Variants in FAM222A observed in about 807,000 individuals in gnomAD.
FAM222A encodes protein FAM222A.
FAM222A carries 7 observed loss-of-function variants against 25.8 expected under a neutral mutation model. The observed-to-expected ratio is 0.27, with a 90% CI of 0.15 to 0.51. The LOEUF (loss-of-function observed/expected upper bound fraction) is 0.51. FAM222A is among the 20% of genes least tolerant of loss of function. The pLI, the probability that FAM222A is intolerant of heterozygous loss-of-function variation, is 0.97. For synonymous variants in FAM222A, 294 were observed against 298.8 expected (o/e 0.98, Z 0.17); for missense variants, 573 against 640.5 (o/e 0.89, Z 1.14).
chr12:109,745,185 G>A (rs1888364446), intron 2 of FAM222A, among the ~76,000 whole-genome samples: 1 of 152,214 alleles, frequency 6.6e-6, no homozygotes, highest in African/African-American at 2.4e-5. Flanking sequence ...TGTCCTTCCA[G>A]ATGTTTTATG....
At chr12:109,748,506 C>A (rs1188212844) in intron 2 of FAM222A, among the ~76,000 whole-genome samples, 1 of 151,950 alleles carries the variant, frequency 6.6e-6, no homozygotes, top group Non-Finnish European at 1.5e-5. Context: ...TGGGCTAGTG[C>A]AGTTATTTGG....
chr12:109,749,471 A>G lies in FAM222A; in HGVS notation c.82+5243A>G, dbSNP rs181729380. On this transcript the variant is annotated intron_variant, in intron 2 of 2. Transcript: ENST00000538780. The stretch of plus-strand genomic sequence containing the variant: ...TCAGAGAATCTTGTCTACTATTTCT[A>G]CTTTTTAGGAGTTTTTTGAAGCTTT... 8.6e-4 allele frequency among the ~76,000 whole-genome samples: 131 copies of G among 152,172 alleles called. 1 individual carries two copies. The highest frequency in any genetic ancestry group is 2.8e-3 in the African/African-American group (116 of 41,510).
chr12:109,727,106 C>G (rs1407686224), intron 1 of FAM222A, among the ~76,000 whole-genome samples: 1 of 152,024 alleles, frequency 6.6e-6, no homozygotes, highest in Non-Finnish European at 1.5e-5. Context: ...CTGGACGCGG[C>G]CCTGCCACAC....
At chr12:109,750,943 A>G (rs1888543421) in intron 2 of FAM222A, among the ~76,000 whole-genome samples, 1 of 152,000 alleles carries the variant, frequency 6.6e-6, no homozygotes, top group Admixed American at 6.6e-5. Flanking sequence ...CAGTTACTTG[A>G]CAAGGATGTG....
At chr12:109,744,357 G>C (rs1888332490) in intron 2 of FAM222A, 129 bp downstream of exon 2, 1 of 1,426,962 alleles carries the variant, frequency 7.0e-7, no homozygotes, top group East Asian at 2.6e-5. Flanking sequence ...CCCAGGCCTT[G>C]GCCCCGGCTG....
chr12:109,733,241 G>C (rs772061424), intron 1 of FAM222A, among the ~76,000 whole-genome samples: 10 of 152,110 alleles, frequency 6.6e-5, no homozygotes, highest in Non-Finnish European at 8.8e-5. Flanking sequence ...CAAAGACTTA[G>C]AATAAAAACA....
rs529392105 is a variant in FAM222A at position 109,766,934 on chromosome 12, C to T, written c.83-1078C>T. Among the ~76,000 whole-genome samples the T allele has an allele frequency of 7.2e-5, 11 of 152,162 alleles. No individual in the cohort carries two copies. In the South Asian group the frequency reaches 1.2e-3, roughly 17 times the overall value. ...TTTTTGAGACAAGGTCTTGCTCTATCGGCCAGGCTGGAATGCAATGGCACA... is the reference window on the plus strand; with the variant it reads ...TTTTTGAGACAAGGTCTTGCTCTATTGGCCAGGCTGGAATGCAATGGCACA... On this transcript the variant is annotated intron_variant, in intron 2 of 2. Coordinates refer to ENST00000538780, the MANE Select transcript of FAM222A (RefSeq NM_032829.3).
intron 2 of FAM222A, among the ~76,000 whole-genome samples, chr12:109,746,497 CA>C (rs535598753): frequency 2.5e-4 from 36 of 146,156 alleles, no homozygotes; most frequent in East Asian, 7.9e-4. Flanking sequence ...TCAAAAAAAA[CA>C]AAAAAAAAAG....
chr12:109,768,775 C>A lies in FAM222A; in HGVS notation c.846C>A (p.Gly282=), dbSNP rs1332813643. 2 of 1,579,002 alleles carry A rather than the reference C, an allele frequency of 1.3e-6. No individual in the cohort carries two copies. Among genetic ancestry groups the A allele is most frequent in the Non-Finnish European group, 8.6e-7 (1 of 1,168,268 alleles). The change falls in exon 3 of 3, where the codon GGC becomes GGA. Residue 282 remains glycine, a synonymous_variant. Coordinates refer to ENST00000538780, the MANE Select transcript of FAM222A (RefSeq NM_032829.3). ...AGCCTGCAGGGTACGCAGACAGCGG[C>A]CTGGATTACCTGCTGTGGCCGCAGA... is the stretch of plus-strand genomic sequence containing the variant. ...AAKPAGYADS[G]LDYLLWPQKP... is the part of the protein sequence containing the mutation.
intron 2 of FAM222A, among the ~76,000 whole-genome samples, chr12:109,766,480 T>C (rs1467039574): frequency 2.0e-5 from 3 of 152,306 alleles, no homozygotes; most frequent in Admixed American, 1.3e-4. Flanking sequence ...AGGTGAACAG[T>C]AGACTCAAGG....
At chr12:109,721,599 G>A (rs775597145) in intron 1 of FAM222A, among the ~76,000 whole-genome samples, 4 of 152,200 alleles carry the variant, frequency 2.6e-5, no homozygotes, top group Non-Finnish European at 5.9e-5. Flanking sequence ...GCCTCAATGA[G>A]CTCAGGGTGC....
intron 2 of FAM222A, among the ~76,000 whole-genome samples, chr12:109,755,901 G>A (rs992321473): frequency 3.3e-5 from 5 of 152,222 alleles, no homozygotes; most frequent in South Asian, 2.1e-4. Flanking sequence ...AAATCAGAAA[G>A]TGTAAATCCT....
intron 1 of FAM222A, among the ~76,000 whole-genome samples, chr12:109,717,091 G>C (rs530305236): frequency 6.6e-6 from 1 of 152,342 alleles, no homozygotes; most frequent in East Asian, 1.9e-4. Context: ...TTATTGGACA[G>C]GGGTCCCTGC....
At chr12:109,736,298 T>C (rs981113287) in intron 1 of FAM222A, among the ~76,000 whole-genome samples, 4 of 152,226 alleles carry the variant, frequency 2.6e-5, no homozygotes, top group African/African-American at 4.8e-5. Flanking sequence ...CCTACTTACC[T>C]GTTGATAGCG....
intron 2 of FAM222A, among the ~76,000 whole-genome samples, chr12:109,758,640 G>A (rs542829170): frequency 3.3e-5 from 5 of 151,368 alleles, no homozygotes; most frequent in East Asian, 3.9e-4. Flanking sequence ...CCCAGCCGCC[G>A]TCCCTGCCCC....
At chr12:109,760,259 A>C (rs1419392565) in intron 2 of FAM222A, among the ~76,000 whole-genome samples, 1 of 152,112 alleles carries the variant, frequency 6.6e-6, no homozygotes, top group Non-Finnish European at 1.5e-5. Flanking sequence ...GGGGCAGGGG[A>C]AACACATACA....
At position 109,769,428 on chromosome 12, in the gene FAM222A, C is replaced by T. The variant is rs1023085981; in HGVS notation, c.*140C>T. 50 of 1,106,888 alleles carry T rather than the reference C, an allele frequency of 4.5e-5. No homozygotes were observed. The highest frequency in any genetic ancestry group is 9.5e-5 in the African/African-American group (6 of 63,342). The allele number at this position is 1,106,888 out of a possible 1,614,324, so 68.6% of individuals were successfully genotyped here. On this transcript the variant is annotated 3_prime_UTR_variant, in exon 3 of 3. Coordinates refer to ENST00000538780, the MANE Select transcript of FAM222A (RefSeq NM_032829.3). The stretch of plus-strand genomic sequence containing the variant: ...CCCACAGGGGAGCCAGGCTGGCTGC[C>T]GCCTCGCTGTGGCCGGATGGAGGGT...
chr12:109,715,368 ACC>A (rs1288591947), intron 1 of FAM222A, among the ~76,000 whole-genome samples: 1 of 152,174 alleles, frequency 6.6e-6, no homozygotes. Context: ...ATGGGGCTAG[ACC>A]TTAGAGCCCT....
At chr12:109,755,370 T>C (rs1888695445) in intron 2 of FAM222A, among the ~76,000 whole-genome samples, 1 of 131,338 alleles carries the variant, frequency 7.6e-6, no homozygotes, top group Non-Finnish European at 1.5e-5. Context: ...TGGAGTGTAA[T>C]GGCGCAATCT....
Sources: gnomAD v4.1 joint callset for allele counts (sites outside exome capture counted in the v4.1 genomes callset) on GRCh38, gnomAD v4.1.1 for gene constraint, MANE v1.5 for transcripts, NCBI Gene and HGNC (gene_info 2026-07-23, HGNC 2026-07-21) for gene names.